The following CAPZA1 variants were observed in gnomAD, a reference collection of about 807,000 sequenced individuals.
CAPZA1 encodes the protein capping actin protein of muscle Z-line subunit alpha 1.
A neutral mutation model predicts 40.8 loss-of-function variants in CAPZA1; 10 were observed. The observed-to-expected ratio is 0.25, with a 90% CI of 0.15 to 0.42. The LOEUF (loss-of-function observed/expected upper bound fraction) is 0.42, where lower values mean the gene tolerates loss of function less well. Among genes scored for constraint, CAPZA1 ranks in the 10% least tolerant of loss-of-function variants. The pLI is 1.00. For missense variants in CAPZA1, 277 were observed against 353.8 expected, an observed-to-expected ratio of 0.78 and a Z score of 1.74; for synonymous variants, 98 against 115.0, an observed-to-expected ratio of 0.85 and a Z score of 0.95.
At chr1:112,669,499 A>G (rs771980038) in intron 8 of CAPZA1, 44 bp from the exon 9 acceptor site, 2 of 1,372,006 alleles carry the variant, frequency 1.5e-6, no homozygotes, top group Non-Finnish European at 2.1e-6. Context: ...CTGCTTACAC[A>G]TTAAAAAAAA....
chr1:112,671,153 ACTT>A lies in CAPZA1; in HGVS notation c.*1025_*1027del, dbSNP rs557368269. On this transcript the variant is annotated 3_prime_UTR_variant, in exon 10 of 10. Transcript: ENST00000263168. ...TGATTTCTTCTAAATAGGATGTAAAACTTCTTTCAAATTACTCTTCCTCAGTCC... is the reference window on the plus strand; with the variant it reads ...TGATTTCTTCTAAATAGGATGTAAAACTTTCAAATTACTCTTCCTCAGTCC... 148 of 152,736 alleles carry A rather than the reference ACTT, an allele frequency of 9.7e-4. No homozygotes were observed. The highest frequency in any genetic ancestry group is 3.5e-3 in the African/African-American group (144 of 41,578). 9.5% of individuals were successfully genotyped at this position (152,736 alleles called of 1,614,324 possible).
rs554064583 is a variant in CAPZA1, at chr1:112,627,824, A to T, written c.39+7941A>T. ...AAAAATACAAAATTAGCTGGGCGTG[A>T]TGGCGCATGCCTGTAATCCCAGCTA... On this transcript the variant is annotated intron_variant, in intron 1 of 9. Coordinates refer to ENST00000263168, the MANE Select transcript of CAPZA1 (RefSeq NM_006135.3). Among the ~76,000 whole-genome samples, 318 of 151,548 alleles carry T rather than the reference A, an allele frequency of 2.1e-3. 2 individuals carry two copies. Among genetic ancestry groups the T allele is most frequent in the Non-Finnish European group, 3.9e-3 (265 of 67,878 alleles).
In CAPZA1 at chr1:112,644,187, T is replaced by C. The variant is rs1280070709; in HGVS notation, c.40-3023T>C. On this transcript the variant is annotated intron_variant, in intron 1 of 9. Transcript: ENST00000263168. ...TTTTCTAATTCTCTTCTCCCAGCTTTTTTTTTTTTTTTTTTTTTTTTGAGA... is the reference window on the plus strand; with the variant it reads ...TTTTCTAATTCTCTTCTCCCAGCTTCTTTTTTTTTTTTTTTTTTTTTGAGA... Among the ~76,000 whole-genome samples, 4 of 85,020 alleles carry C rather than the reference T, an allele frequency of 4.7e-5. No individual in the cohort carries two copies. In the Admixed American group the frequency reaches 5.5e-4, roughly 12 times the overall value. The allele number at this position is 85,020 out of a possible 152,430, so 55.8% of individuals were successfully genotyped here. A position where few individuals can be genotyped will look rare whatever the true frequency, so the allele number is the denominator to read the frequency against.
intron 2 of CAPZA1, among the ~76,000 whole-genome samples, chr1:112,648,562 T>C (rs10857969): frequency 0.78 from 118,687 of 151,332 alleles, 46,786 homozygotes; most frequent in South Asian, 0.88. Flanking sequence ...ATGATCCGCC[T>C]GCCTCAGCTT....
At chr1:112,649,506 T>A (rs749787054) in intron 3 of CAPZA1, 37 bp downstream of exon 3, 1 of 1,471,534 alleles carries the variant, frequency 6.8e-7, no homozygotes, top group South Asian at 1.1e-5. Flanking sequence ...AATGTTACTC[T>A]AACATTGGAT....
At chr1:112,664,292 C>G (rs59779521) in intron 7 of CAPZA1, among the ~76,000 whole-genome samples, 2,154 of 150,388 alleles carry the variant, frequency 0.014, 65 homozygotes, top group African/African-American at 0.05. Flanking sequence ...GTAGGGGGTT[C>G]TTGTTATCCA....
chr1:112,659,318 A>G, intron 6 of CAPZA1: 1 of 557,520 alleles, frequency 1.8e-6, no homozygotes. Flanking sequence ...TGATTAGTAA[A>G]GTGCCCTGTT....
At chr1:112,654,416 A>C (rs747005902) in intron 4 of CAPZA1, 49 bp from the exon 5 acceptor site, 1 of 1,220,202 alleles carries the variant, frequency 8.2e-7, no homozygotes, top group Non-Finnish European at 1.2e-6. Flanking sequence ...AAAGGCAGTA[A>C]GAATTGTCTT....
At chr1:112,629,122 A>G (rs945473544) in intron 1 of CAPZA1, among the ~76,000 whole-genome samples, 18 of 152,072 alleles carry the variant, frequency 1.2e-4, no homozygotes, top group Non-Finnish European at 7.4e-5. Flanking sequence ...CTAAGTCCCT[A>G]TGTTCTGGGA....
intron 5 of CAPZA1, among the ~76,000 whole-genome samples, chr1:112,658,299 TG>T (rs1671537712): frequency 6.6e-6 from 1 of 152,170 alleles, no homozygotes; most frequent in Admixed American, 6.5e-5. Flanking sequence ...AGTTTGTTAA[TG>T]ACACCACCAT....
intron 1 of CAPZA1, among the ~76,000 whole-genome samples, chr1:112,626,765 T>TA (rs1366920979): frequency 1.3e-5 from 2 of 152,232 alleles, no homozygotes; most frequent in Non-Finnish European, 2.9e-5. Flanking sequence ...TATAACGTAT[T>TA]ACAAAATTTT....
At chr1:112,669,694 T>C (rs1024837046) in intron 9 of CAPZA1, 89 bp downstream of exon 9, 5 of 951,446 alleles carry the variant, frequency 5.3e-6, no homozygotes, top group Middle Eastern at 3.2e-4. Context: ...TCCTTTAATG[T>C]AAATATACAT....
At chr1:112,649,331 C>A (rs867930854) in intron 2 of CAPZA1, 87 bp from the exon 3 acceptor site, 3 of 940,348 alleles carry the variant, frequency 3.2e-6, no homozygotes, top group Middle Eastern at 2.1e-4. Flanking sequence ...TTTTACAAAG[C>A]CTGACATTTA....
At chr1:112,653,072 T>C (rs907544375) in intron 3 of CAPZA1, among the ~76,000 whole-genome samples, 1 of 152,200 alleles carries the variant, frequency 6.6e-6, no homozygotes, top group Non-Finnish European at 1.5e-5. Flanking sequence ...AAAAAGATCA[T>C]TTCCAAAATA....
At chr1:112,622,103 T>C (rs577663636) in intron 1 of CAPZA1, among the ~76,000 whole-genome samples, 33 of 152,298 alleles carry the variant, frequency 2.2e-4, no homozygotes, top group South Asian at 4.1e-4. Flanking sequence ...CAGTTTCCTC[T>C]TCTAGCATAC....
chr1:112,662,664 C>T (rs1463783763), intron 7 of CAPZA1, among the ~76,000 whole-genome samples: 1 of 152,028 alleles, frequency 6.6e-6, no homozygotes, highest in Admixed American at 6.6e-5. Flanking sequence ...TCCCAAAATG[C>T]TGGGATTACA....
intron 1 of CAPZA1, among the ~76,000 whole-genome samples, chr1:112,633,885 T>C (rs766874924): frequency 1.3e-5 from 2 of 152,242 alleles, no homozygotes; most frequent in Non-Finnish European, 2.9e-5. Flanking sequence ...TTGTATATCT[T>C]TGAGAAATGT....
At chr1:112,651,526 G>A (rs1282975042) in intron 3 of CAPZA1, among the ~76,000 whole-genome samples, 1 of 152,150 alleles carries the variant, frequency 6.6e-6, no homozygotes, top group African/African-American at 2.4e-5. Flanking sequence ...TGGATGTGAA[G>A]TGTGAGAAAA....
Position 112,620,046 on chromosome 1 carries a change from C to T in CAPZA1, c.39+163C>T, listed in dbSNP as rs564431646. Reference sequence around the variant, plus strand: ...GGACGCTTCCCTCTTAGGGGGCTTTCCTCTGCCTCACGGTGGCCCCAGTTC... The same window carrying T: ...GGACGCTTCCCTCTTAGGGGGCTTTTCTCTGCCTCACGGTGGCCCCAGTTC... On this transcript the variant is annotated intron_variant, in intron 1 of 9. Coordinates refer to ENST00000263168, the MANE Select transcript of CAPZA1 (RefSeq NM_006135.3). 61 of 587,902 alleles carry T rather than the reference C, an allele frequency of 1.0e-4. No homozygotes were observed. The African/African-American group carries it at 1.1e-3, about 10-fold the overall frequency. 36.4% of individuals were successfully genotyped at this position (587,902 alleles called of 1,614,324 possible). A position where few individuals can be genotyped will look rare whatever the true frequency, so the allele number is the denominator to read the frequency against.
Sources: allele counts gnomAD v4.1 joint callset (sites outside exome capture counted in the v4.1 genomes callset), GRCh38; gene constraint gnomAD v4.1.1; transcripts MANE v1.5; gene names NCBI Gene and HGNC (gene_info 2026-07-23, HGNC 2026-07-21).